Variants in AUTS2 observed in about 807,000 individuals in gnomAD.
AUTS2 encodes the protein autism susceptibility gene 2 protein.
In AUTS2, 17 loss-of-function variants were observed where a neutral mutation model predicts 112.4. That is an observed-to-expected ratio of 0.15 (90% confidence interval 0.10 to 0.23). The LOEUF is 0.23. Among genes scored for constraint, AUTS2 ranks in the 10% least tolerant of loss-of-function variants. The pLI is 1.00. For synonymous variants in AUTS2, 751 were observed against 702.7 expected (o/e 1.07, Z -1.09); for missense variants, 1,510 against 1,701.6 (o/e 0.89, Z 1.98).
chr7:69,636,608 C>G (rs1019991016), intron 1 of AUTS2, among the ~76,000 whole-genome samples: 3 of 151,488 alleles, frequency 2.0e-5, no homozygotes, highest in African/African-American at 7.3e-5. Flanking sequence ...TCTTTCTATA[C>G]CTTTTCTGTA....
chr7:69,895,543 TCC>T (rs3043573), intron 1 of AUTS2, among the ~76,000 whole-genome samples: 7 of 131,868 alleles, frequency 5.3e-5, no homozygotes, highest in Non-Finnish European at 1.1e-4. Flanking sequence ...TCTCTCTTCT[TCC>T]CCCCCCCCGA....
intron 4 of AUTS2, among the ~76,000 whole-genome samples, chr7:70,251,093 C>A (rs1246860102): frequency 6.6e-6 from 1 of 151,736 alleles, no homozygotes; most frequent in African/African-American, 2.4e-5. Context: ...GAGACGGAGT[C>A]TCACTCTGTC....
intron 2 of AUTS2, among the ~76,000 whole-genome samples, chr7:69,906,977 C>G (rs889160945): frequency 2.6e-5 from 4 of 152,136 alleles, no homozygotes; most frequent in Non-Finnish European, 4.4e-5. Context: ...CATGGTGACG[C>G]ATGCCTGTTG....
chr7:70,275,680 G>C (rs1398167240), intron 4 of AUTS2, among the ~76,000 whole-genome samples: 1 of 152,138 alleles, frequency 6.6e-6, no homozygotes. Context: ...GGAGAGAATT[G>C]AATCATGGGG....
At chr7:70,278,526 G>T (rs573243521) in intron 4 of AUTS2, among the ~76,000 whole-genome samples, 1 of 152,260 alleles carries the variant, frequency 6.6e-6, no homozygotes, top group South Asian at 2.1e-4. Context: ...CTGAGTGAGT[G>T]AGAGTGTGTC....
At chr7:70,027,272 C>G (rs1416266572) in intron 2 of AUTS2, among the ~76,000 whole-genome samples, 1 of 152,170 alleles carries the variant, frequency 6.6e-6, no homozygotes, top group Non-Finnish European at 1.5e-5. Context: ...TGGAAACTCT[C>G]TGTTGTTGGT....
intron 1 of AUTS2, among the ~76,000 whole-genome samples, chr7:69,843,300 G>A (rs1224247832): frequency 6.6e-6 from 1 of 152,126 alleles, no homozygotes; most frequent in Non-Finnish European, 1.5e-5. Flanking sequence ...GGTTCATTAG[G>A]TCCCAGGACT....
intron 4 of AUTS2, among the ~76,000 whole-genome samples, chr7:70,149,806 T>G (rs1020134866): frequency 6.6e-6 from 1 of 152,098 alleles, no homozygotes; most frequent in Non-Finnish European, 1.5e-5. Flanking sequence ...TTAAAAATCT[T>G]GGAAATTATG....
chr7:70,093,016 A>G (rs1361464835), intron 2 of AUTS2, among the ~76,000 whole-genome samples: 1 of 152,172 alleles, frequency 6.6e-6, no homozygotes, highest in Non-Finnish European at 1.5e-5. Context: ...GGATGCTTTT[A>G]CAGAGTCTTT....
At chr7:70,182,261 T>C (rs1809357999) in intron 4 of AUTS2, among the ~76,000 whole-genome samples, 1 of 152,226 alleles carries the variant, frequency 6.6e-6, no homozygotes, top group African/African-American at 2.4e-5. Context: ...CCCATACACC[T>C]TTCAGATGCC....
intron 18 of AUTS2, 147 bp from the exon 19 acceptor site, chr7:70,789,601 G>T: frequency 1.1e-6 from 1 of 919,320 alleles, no homozygotes; most frequent in Admixed American, 2.7e-5. Flanking sequence ...GCTCTGCCCT[G>T]TCCAGGGCAC....
intron 1 of AUTS2, among the ~76,000 whole-genome samples, chr7:69,639,654 G>A (rs866741878): frequency 1.3e-5 from 2 of 152,310 alleles, no homozygotes. Flanking sequence ...TTGTGCCCAA[G>A]GGCACCTAAA....
intron 7 of AUTS2, among the ~76,000 whole-genome samples, chr7:70,763,948 C>T (rs1034340234): frequency 5.9e-5 from 9 of 152,070 alleles, no homozygotes; most frequent in African/African-American, 2.2e-4. Context: ...CTTGTTTTTG[C>T]CAAGTTACAA....
intron 1 of AUTS2, among the ~76,000 whole-genome samples, chr7:69,873,703 A>T (rs901625269): frequency 6.6e-6 from 1 of 152,172 alleles, no homozygotes; most frequent in African/African-American, 2.4e-5. Context: ...AACAGAAATG[A>T]TTATCTATCC....
intron 5 of AUTS2, among the ~76,000 whole-genome samples, chr7:70,495,916 CA>C (rs1798459127): frequency 7.0e-6 from 1 of 143,678 alleles, no homozygotes; most frequent in Non-Finnish European, 1.5e-5. Context: ...CCCACTCACA[CA>C]CACCACGTAC....
intron 5 of AUTS2, among the ~76,000 whole-genome samples, chr7:70,495,078 A>G (rs568948732): frequency 6.6e-6 from 1 of 152,168 alleles, no homozygotes; most frequent in African/African-American, 2.4e-5. Flanking sequence ...TGGTTGGAGT[A>G]TTTTATATAA....
chr7:70,778,583 AAG>A (rs769813176), intron 14 of AUTS2, among the ~76,000 whole-genome samples: 181 of 107,592 alleles, frequency 1.7e-3, no homozygotes, highest in Admixed American at 2.2e-3. Context: ...AAAAAAAAAA[AAG>A]AGTAAAAAAT....
chr7:69,948,021 C>T (rs977110201), intron 2 of AUTS2, among the ~76,000 whole-genome samples: 6 of 152,092 alleles, frequency 3.9e-5, no homozygotes, highest in South Asian at 2.1e-4. Context: ...GTTATTATTT[C>T]GCGAAGTCCT....
chr7:70,105,266 T>C (rs1431666369), intron 2 of AUTS2, among the ~76,000 whole-genome samples: 1 of 152,032 alleles, frequency 6.6e-6, no homozygotes, highest in Admixed American at 6.6e-5. Flanking sequence ...TTGTCTTTTG[T>C]TTTGTTTTTA....
Sources: allele counts gnomAD v4.1 joint callset (sites outside exome capture counted in the v4.1 genomes callset), GRCh38; gene constraint gnomAD v4.1.1; transcripts MANE v1.5; gene names NCBI Gene and HGNC (gene_info 2026-07-23, HGNC 2026-07-21).